The following SYT17 variants were observed in gnomAD, a reference collection of about 807,000 sequenced individuals.
SYT17 encodes synaptotagmin 17.
Under a neutral mutation model 46.7 loss-of-function variants are expected in SYT17, and 22 were observed. The ratio of observed to expected loss-of-function variants is 0.47; its 90% confidence interval spans 0.34 to 0.67. The LOEUF is 0.67. SYT17 is among the 30% of genes least tolerant of loss of function. SYT17 has a pLI of 0.01. For missense variants in SYT17, 519 were observed against 612.8 expected (o/e 0.85, Z 1.62); for synonymous variants, 251 against 248.4 (o/e 1.01, Z -0.10).
intron 5 of SYT17, among the ~76,000 whole-genome samples, chr16:19,191,877 C>T (rs540322633): frequency 5.0e-4 from 76 of 152,180 alleles, no homozygotes; most frequent in African/African-American, 1.8e-3. Flanking sequence ...CTCTGCCTCT[C>T]GGGTTCAAGT....
intron 1 of SYT17, chr16:19,172,169 G>C (rs1964122022): frequency 4.6e-6 from 1 of 219,114 alleles, no homozygotes; most frequent in Non-Finnish European, 8.2e-6. Flanking sequence ...AGGCGGGGTG[G>C]GGCCACAACA....
At chr16:19,175,500 A>T (rs1472429709) in intron 3 of SYT17, among the ~76,000 whole-genome samples, 2 of 152,070 alleles carry the variant, frequency 1.3e-5, no homozygotes, top group Non-Finnish European at 2.9e-5. Context: ...ACAAAAATTT[A>T]AAAAATTAGC....
intron 7 of SYT17, 129 bp downstream of exon 7, chr16:19,224,967 G>T (rs931814844): frequency 1.4e-5 from 14 of 1,015,980 alleles, no homozygotes; most frequent in Non-Finnish European, 2.0e-5. Flanking sequence ...ACCTGGGTTT[G>T]AACCCACTTA....
chr16:19,259,045 G>C (rs1202867629), intron 7 of SYT17, among the ~76,000 whole-genome samples: 1 of 152,176 alleles, frequency 6.6e-6, no homozygotes, highest in Non-Finnish European at 1.5e-5. Context: ...CTACAGGTAA[G>C]TTGGGTCTCA....
intron 4 of SYT17, among the ~76,000 whole-genome samples, chr16:19,181,663 G>C (rs1430350821): frequency 6.6e-6 from 1 of 150,748 alleles, no homozygotes; most frequent in East Asian, 1.9e-4. Context: ...CTGATGTTCT[G>C]TAAGTGCAAA....
intron 7 of SYT17, among the ~76,000 whole-genome samples, chr16:19,260,215 C>T (rs901014528): frequency 2.0e-5 from 3 of 151,522 alleles, no homozygotes; most frequent in African/African-American, 4.9e-5. Flanking sequence ...TCTGGCTGGG[C>T]GCAATGGCTC....
At chr16:19,225,950 C>T (rs1214560042) in intron 7 of SYT17, among the ~76,000 whole-genome samples, 1 of 152,206 alleles carries the variant, frequency 6.6e-6, no homozygotes, top group South Asian at 2.1e-4. Flanking sequence ...GAAGGGATTA[C>T]ACAAGGGTAG....
chr16:19,182,289 A>G (rs1964589412), intron 4 of SYT17, among the ~76,000 whole-genome samples: 2 of 151,404 alleles, frequency 1.3e-5, no homozygotes. Flanking sequence ...GTGGTATACA[A>G]CTGTAGTCCC....
chr16:19,195,588 C>T lies in SYT17; in HGVS notation c.951+11441C>T, dbSNP rs180816587. 1.4e-3 allele frequency among the ~76,000 whole-genome samples: 213 copies of T among 151,910 alleles called. 1 individual carries two copies. Among genetic ancestry groups the T allele is most frequent in the Middle Eastern group, 0.014 (4 of 294 alleles). The stretch of plus-strand genomic sequence containing the variant: ...AAAATTAGCTGGGCATGGTGGTGGG[C>T]GCCTCTAATCCTACCTAGCTACTCA... On this transcript the variant is annotated intron_variant, in intron 5 of 7. Coordinates refer to ENST00000355377, the MANE Select transcript of SYT17 (RefSeq NM_016524.4).
chr16:19,181,982 A>G (rs1964575301), intron 4 of SYT17, among the ~76,000 whole-genome samples: 1 of 151,146 alleles, frequency 6.6e-6, no homozygotes, highest in Admixed American at 6.6e-5. Context: ...TCAGGCAACA[A>G]AAATGAAACT....
At chr16:19,253,148 C>T (rs1352434706) in intron 7 of SYT17, among the ~76,000 whole-genome samples, 2 of 152,208 alleles carry the variant, frequency 1.3e-5, no homozygotes, top group African/African-American at 2.4e-5. Context: ...CATGTGCATT[C>T]ATCAACATGC....
intron 7 of SYT17, among the ~76,000 whole-genome samples, chr16:19,251,940 T>C (rs1208811511): frequency 6.6e-6 from 1 of 152,132 alleles, no homozygotes; most frequent in Admixed American, 6.5e-5. Flanking sequence ...CTGAGTGTAG[T>C]GGCTCACACC....
chr16:19,237,222 C>G (rs546310311), intron 7 of SYT17, among the ~76,000 whole-genome samples: 2 of 152,180 alleles, frequency 1.3e-5, no homozygotes. Flanking sequence ...CTCTTAACCA[C>G]GACATTGATG....
intron 5 of SYT17, among the ~76,000 whole-genome samples, chr16:19,214,753 G>C (rs1272277050): frequency 6.6e-6 from 1 of 151,752 alleles, no homozygotes; most frequent in East Asian, 1.9e-4. Context: ...TGAAAATTAT[G>C]GCGCTGCTCA....
chr16:19,231,573 C>T (rs1474187008), intron 7 of SYT17, among the ~76,000 whole-genome samples: 1 of 150,304 alleles, frequency 6.7e-6, no homozygotes, highest in African/African-American at 2.5e-5. Context: ...GTCTTATTCC[C>T]TTGGCAAACT....
chr16:19,224,243 C>T (rs1279888376), intron 6 of SYT17, among the ~76,000 whole-genome samples: 1 of 152,136 alleles, frequency 6.6e-6, no homozygotes, highest in East Asian at 1.9e-4. Flanking sequence ...TCTTTAAAAA[C>T]TGATTTCTCA....
chr16:19,204,084 C>T lies in SYT17; in HGVS notation c.952-18961C>T, dbSNP rs556057102. Among the ~76,000 whole-genome samples the T allele has an allele frequency of 3.9e-5, 6 of 152,248 alleles. No homozygotes were observed. The South Asian group carries it at 6.2e-4, about 16-fold the overall frequency. On this transcript the variant is annotated intron_variant, in intron 5 of 7. Coordinates refer to ENST00000355377, the MANE Select transcript of SYT17 (RefSeq NM_016524.4). ...AGGTTGCTGTTTCTGGAGCAGAGTA[C>T]GAGGTGGACCTAGAGCAGGGATTCT...
At chr16:19,229,715 C>G (rs1966614308) in intron 7 of SYT17, among the ~76,000 whole-genome samples, 1 of 152,136 alleles carries the variant, frequency 6.6e-6, no homozygotes, top group Non-Finnish European at 1.5e-5. Context: ...TAGGTATATA[C>G]CCAAAAGAAT....
chr16:19,199,723 C>CA, intron 5 of SYT17, among the ~76,000 whole-genome samples: 1 of 150,496 alleles, frequency 6.6e-6, no homozygotes, highest in Admixed American at 6.7e-5. Context: ...AGTGACAGAG[C>CA]AAGACCCTGT....
Sources: allele counts gnomAD v4.1 joint callset (sites outside exome capture counted in the v4.1 genomes callset), GRCh38; gene constraint gnomAD v4.1.1; transcripts MANE v1.5; gene names NCBI Gene and HGNC (gene_info 2026-07-23, HGNC 2026-07-21).